The following SLC30A9 variants were observed in gnomAD, a reference collection of about 807,000 sequenced individuals.
SLC30A9 encodes proton-coupled zinc antiporter SLC30A9, mitochondrial.
SLC30A9 carries 58 observed loss-of-function variants against 87.5 expected under a neutral mutation model. The observed-to-expected ratio is 0.66, with a 90% confidence interval of 0.54 to 0.82. The LOEUF (loss-of-function observed/expected upper bound fraction) is 0.82. SLC30A9 is among the 40% of genes least tolerant of loss of function. The probability of loss-of-function intolerance (pLI) is 0.00; values close to 1 mark genes in which losing one functional copy is unlikely to be tolerated. For synonymous variants in SLC30A9, 234 were observed against 233.0 expected, an observed-to-expected ratio of 1.00 and a Z score of -0.04; for missense variants, 557 against 679.1, an observed-to-expected ratio of 0.82 and a Z score of 2.00.
intron 2 of SLC30A9, among the ~76,000 whole-genome samples, chr4:42,006,976 TTGTAGGTAG>T (rs2153133617): frequency 6.6e-6 from 1 of 152,222 alleles, no homozygotes; most frequent in South Asian, 2.1e-4. Context: ...GGACTTTGTT[TTGTAGGTAG>T]TGGGAATAAC....
At chr4:42,019,953 C>T (rs1176333365) in intron 3 of SLC30A9, among the ~76,000 whole-genome samples, 2 of 152,058 alleles carry the variant, frequency 1.3e-5, no homozygotes, top group Non-Finnish European at 2.9e-5. Flanking sequence ...ACCACCACAC[C>T]TGGCCAATTT....
chr4:42,062,962 A>G, intron 10 of SLC30A9, 24 bp from the exon 11 acceptor site: 2 of 1,599,732 alleles, frequency 1.3e-6, no homozygotes, highest in Non-Finnish European at 1.7e-6. Context: ...TTTCTTGCGA[A>G]CTATATTCTT....
chr4:42,084,261 G>T (rs193242272), intron 17 of SLC30A9, among the ~76,000 whole-genome samples: 2 of 151,960 alleles, frequency 1.3e-5, no homozygotes, highest in Admixed American at 6.6e-5. Flanking sequence ...AATACTTTTA[G>T]TATGTCTTTA....
intron 8 of SLC30A9, among the ~76,000 whole-genome samples, chr4:42,047,866 G>A (rs1717229473): frequency 6.6e-6 from 1 of 152,178 alleles, no homozygotes; most frequent in Non-Finnish European, 1.5e-5. Context: ...AGAAAATGTG[G>A]CACATATACA....
At chr4:42,071,792 T>A (rs918591354) in intron 15 of SLC30A9, among the ~76,000 whole-genome samples, 4 of 152,318 alleles carry the variant, frequency 2.6e-5, no homozygotes, top group African/African-American at 9.6e-5. Flanking sequence ...TTTGTCTGGT[T>A]TTGGTATTAA....
intron 4 of SLC30A9, 94 bp from the exon 5 acceptor site, chr4:42,022,744 G>T: frequency 1.7e-6 from 1 of 585,108 alleles, no homozygotes. Flanking sequence ...ATGGGGATCA[G>T]TGTTGTTGCT....
intron 6 of SLC30A9, among the ~76,000 whole-genome samples, chr4:42,027,389 C>T (rs1716240737): frequency 6.6e-6 from 1 of 152,098 alleles, no homozygotes; most frequent in African/African-American, 2.4e-5. Flanking sequence ...TCACTTTGCA[C>T]TGCTACTCAG....
At chr4:42,054,800 C>T (rs1717536254) in intron 9 of SLC30A9, among the ~76,000 whole-genome samples, 1 of 151,862 alleles carries the variant, frequency 6.6e-6, no homozygotes, top group South Asian at 2.1e-4. Context: ...CGCACCCGGC[C>T]AGGAATTAGT....
At chr4:42,014,674 A>G (rs919241365) in intron 2 of SLC30A9, among the ~76,000 whole-genome samples, 7 of 152,222 alleles carry the variant, frequency 4.6e-5, no homozygotes, top group Admixed American at 6.5e-5. Flanking sequence ...CAGCAAATGA[A>G]TGGATAAAGA....
chr4:42,047,596 T>A (rs181238300), intron 8 of SLC30A9, among the ~76,000 whole-genome samples: 79 of 152,332 alleles, frequency 5.2e-4, no homozygotes, highest in Admixed American at 2.1e-3. Context: ...CTGGAGAGGA[T>A]GTGGAGAAAT....
At chr4:42,070,718 A>G in intron 15 of SLC30A9, 27 bp downstream of exon 15, 1 of 1,569,030 alleles carries the variant, frequency 6.4e-7, no homozygotes, top group Non-Finnish European at 8.7e-7. Flanking sequence ...TAATCCTGTT[A>G]AGGCTTACAA....
At chr4:42,083,536 T>C (rs1211103121) in intron 17 of SLC30A9, among the ~76,000 whole-genome samples, 1 of 152,234 alleles carries the variant, frequency 6.6e-6, no homozygotes, top group Non-Finnish European at 1.5e-5. Context: ...TGTGCACATA[T>C]ACTTTTACAA....
At chr4:42,041,871 T>C (rs146573607) in intron 8 of SLC30A9, among the ~76,000 whole-genome samples, 1,587 of 152,214 alleles carry the variant, frequency 0.01, 29 homozygotes, top group Non-Finnish European at 9.7e-3. Context: ...GCTCATCTCA[T>C]TGGGACTGGT....
chr4:42,023,235 G>A (rs1278723741), intron 5 of SLC30A9, 67 bp from the exon 6 acceptor site: 1 of 1,049,484 alleles, frequency 9.5e-7, no homozygotes, highest in Non-Finnish European at 1.5e-6. Flanking sequence ...AGAGAATTTA[G>A]ATTTAAATGT....
chr4:42,035,140 A>T (rs930099710), intron 6 of SLC30A9, 135 bp from the exon 7 acceptor site: 2 of 835,218 alleles, frequency 2.4e-6, no homozygotes, highest in African/African-American at 1.8e-5. Context: ...ACAAATCCAA[A>T]TTTTTTATAA....
chr4:42,028,771 A>G (rs1427254996), intron 6 of SLC30A9, among the ~76,000 whole-genome samples: 1 of 152,234 alleles, frequency 6.6e-6, no homozygotes, highest in Non-Finnish European at 1.5e-5. Flanking sequence ...GTGGTTTAGC[A>G]GTTTTACTGC....
intron 1 of SLC30A9, among the ~76,000 whole-genome samples, chr4:41,999,901 T>C (rs574449855): frequency 1.3e-5 from 2 of 152,280 alleles, no homozygotes; most frequent in East Asian, 3.9e-4. Flanking sequence ...TTGTCTCTTA[T>C]AAATACATAC....
chr4:41,999,448 A>G (rs1192275720), intron 1 of SLC30A9, among the ~76,000 whole-genome samples: 1 of 152,210 alleles, frequency 6.6e-6, no homozygotes, highest in African/African-American at 2.4e-5. Flanking sequence ...TAAATCAACC[A>G]GTTACTGTGT....
intron 12 of SLC30A9, 104 bp from the exon 13 acceptor site, chr4:42,066,446 T>G: frequency 1.6e-6 from 1 of 607,142 alleles, no homozygotes; most frequent in South Asian, 2.4e-5. Flanking sequence ...TTGCCAACCC[T>G]AGTTTTAAAA....
Sources: allele counts gnomAD v4.1 joint callset (sites outside exome capture counted in the v4.1 genomes callset), GRCh38; gene constraint gnomAD v4.1.1; transcripts MANE v1.5; gene names NCBI Gene and HGNC (gene_info 2026-07-23, HGNC 2026-07-21).